CELF4: variants seen among roughly 807,000 people sequenced by gnomAD.
The protein encoded by CELF4 is CUG-BP- and ETR-3-like factor 4.
Under a neutral mutation model 59.9 loss-of-function variants are expected in CELF4, and 18 were observed. The observed-to-expected ratio is 0.30, with a 90% confidence interval of 0.21 to 0.45. CELF4 has a LOEUF of 0.45. Ranked by LOEUF, CELF4 falls within the 20% of genes least tolerant of loss-of-function variation. The pLI, the probability that CELF4 is intolerant of heterozygous loss-of-function variation, is 1.00. For synonymous variants in CELF4, 261 were observed against 267.1 expected, an observed-to-expected ratio of 0.98 and a Z score of 0.22; for missense variants, 456 against 689.0, an observed-to-expected ratio of 0.66 and a Z score of 3.79.
intron 2 of CELF4, among the ~76,000 whole-genome samples, chr18:37,394,488 T>TCA (rs2099215309): frequency 3.3e-5 from 5 of 152,144 alleles, no homozygotes; most frequent in African/African-American, 1.2e-4. Flanking sequence ...GAGCGTGTGA[T>TCA]GAGGCAGCGG....
chr18:37,444,054 A>T (rs1199257228), intron 2 of CELF4, among the ~76,000 whole-genome samples: 3 of 151,950 alleles, frequency 2.0e-5, no homozygotes, highest in African/African-American at 7.3e-5. Flanking sequence ...CCAGTTACTA[A>T]CTTCTCCCTG....
chr18:37,389,859 A>C (rs1202248364), intron 2 of CELF4, among the ~76,000 whole-genome samples: 1 of 152,216 alleles, frequency 6.6e-6, no homozygotes, highest in East Asian at 1.9e-4. Context: ...GGTCACAAAC[A>C]CACACAGGCA....
chr18:37,519,536 G>A (rs1302030224), intron 1 of CELF4, among the ~76,000 whole-genome samples: 2 of 152,190 alleles, frequency 1.3e-5, no homozygotes, highest in East Asian at 1.9e-4. Flanking sequence ...AGAAGTACCC[G>A]AGGAGGCTTT....
chr18:37,272,981 C>G (rs201547023), intron 7 of CELF4, 35 bp downstream of exon 7: 3 of 1,582,446 alleles, frequency 1.9e-6, no homozygotes, highest in Non-Finnish European at 2.6e-6. Context: ...GTTCTCCCAC[C>G]GGGCCAGACC....
At chr18:37,450,744 G>C (rs1041478760) in intron 2 of CELF4, among the ~76,000 whole-genome samples, 12 of 152,044 alleles carry the variant, frequency 7.9e-5, no homozygotes, top group Non-Finnish European at 1.6e-4. Context: ...CCCCCATGGT[G>C]CACAGCCCAT....
At chr18:37,455,865 G>A (rs887080771) in intron 2 of CELF4, among the ~76,000 whole-genome samples, 9 of 152,168 alleles carry the variant, frequency 5.9e-5, no homozygotes, top group Non-Finnish European at 1.0e-4. Context: ...GAGGGCCAGA[G>A]GAGCCTCCAT....
chr18:37,412,865 T>C (rs1055833572), intron 2 of CELF4, among the ~76,000 whole-genome samples: 3 of 152,022 alleles, frequency 2.0e-5, no homozygotes, highest in African/African-American at 7.2e-5. Flanking sequence ...CCCGCGCCAA[T>C]GTGTGTGAGG....
chr18:37,518,287 T>C (rs2099953206), intron 1 of CELF4, among the ~76,000 whole-genome samples: 1 of 152,196 alleles, frequency 6.6e-6, no homozygotes, highest in African/African-American at 2.4e-5. Context: ...TATTGGATTA[T>C]AGTTTTTATT....
intron 2 of CELF4, among the ~76,000 whole-genome samples, chr18:37,378,687 G>A (rs1237831213): frequency 6.6e-6 from 1 of 152,110 alleles, no homozygotes; most frequent in African/African-American, 2.4e-5. Context: ...TTATTTTTTA[G>A]GGTCTTATTA....
chr18:37,407,975 T>C (rs1373658916), intron 2 of CELF4, among the ~76,000 whole-genome samples: 1 of 152,172 alleles, frequency 6.6e-6, no homozygotes, highest in East Asian at 1.9e-4. Flanking sequence ...AAAAAAAGGA[T>C]TTTTAAAAGG....
At chr18:37,250,960 G>GTGTCA (rs2065115493) in intron 12 of CELF4, among the ~76,000 whole-genome samples, 1 of 152,162 alleles carries the variant, frequency 6.6e-6, no homozygotes, top group Admixed American at 6.5e-5. Flanking sequence ...GAAAAGTGAG[G>GTGTCA]TGTCATATGT....
chr18:37,296,828 C>T (rs1402519410), intron 3 of CELF4, among the ~76,000 whole-genome samples: 2 of 152,178 alleles, frequency 1.3e-5, no homozygotes, highest in East Asian at 1.9e-4. Context: ...CTGTCAGTCT[C>T]GGCTAGGTGG....
At chr18:37,562,950 G>A (rs745433991) in intron 1 of CELF4, among the ~76,000 whole-genome samples, 21 of 152,256 alleles carry the variant, frequency 1.4e-4, no homozygotes, top group Non-Finnish European at 2.1e-4. Context: ...CCAGTATGCC[G>A]GAGCTAGTGG....
At chr18:37,291,102 T>C (rs2095304152) in intron 3 of CELF4, among the ~76,000 whole-genome samples, 1 of 152,026 alleles carries the variant, frequency 6.6e-6, no homozygotes, top group South Asian at 2.1e-4. Context: ...AGAGATGGGG[T>C]TTCTCCATGT....
intron 2 of CELF4, among the ~76,000 whole-genome samples, chr18:37,390,436 G>A (rs1307488486): frequency 6.6e-6 from 1 of 152,140 alleles, no homozygotes; most frequent in Non-Finnish European, 1.5e-5. Context: ...CGGCTGGAGG[G>A]TAGCTCTTTC....
Position 37,565,704 on chromosome 18 carries a change from C to CGCTT in CELF4, c.-64_-63insAAGC. ...CACTCTCTCGCTCCTCTCTCTCGCT[C>CGCTT]GCTCGCGCTCACACACGCACACGCA... On this transcript the variant is annotated 5_prime_UTR_variant, in exon 1 of 13. Transcript: ENST00000420428. The CGCTT allele has an allele frequency of 6.8e-7, 1 of 1,464,968 alleles. No homozygotes were observed. Among genetic ancestry groups the CGCTT allele is most frequent in the Non-Finnish European group, 9.1e-7 (1 of 1,095,274 alleles). The allele number at this position is 1,464,968 out of a possible 1,614,324, so 90.7% of individuals were successfully genotyped here. A position where few individuals can be genotyped will look rare whatever the true frequency, so the allele number is the denominator to read the frequency against.
At chr18:37,496,759 A>G (rs112757395) in intron 1 of CELF4, among the ~76,000 whole-genome samples, 163 of 152,308 alleles carry the variant, frequency 1.1e-3, no homozygotes, top group Middle Eastern at 3.4e-3. Flanking sequence ...CATTTAAGCC[A>G]CTGTTCTGGC....
chr18:37,328,079 C>T (rs114144640), intron 2 of CELF4, among the ~76,000 whole-genome samples: 2,049 of 152,260 alleles, frequency 0.013, 49 homozygotes, highest in African/African-American at 0.047. Flanking sequence ...TGGAGAGAGA[C>T]TTACTTCACA....
intron 2 of CELF4, among the ~76,000 whole-genome samples, chr18:37,481,714 T>C (rs2099867817): frequency 1.3e-5 from 2 of 152,210 alleles, no homozygotes; most frequent in Admixed American, 1.3e-4. Context: ...TGACTCATTT[T>C]ACTCCCACCC....
Sources: gnomAD v4.1 joint callset for allele counts (sites outside exome capture counted in the v4.1 genomes callset) on GRCh38, gnomAD v4.1.1 for gene constraint, MANE v1.5 for transcripts, NCBI Gene and HGNC (gene_info 2026-07-23, HGNC 2026-07-21) for gene names.